The following DMTN variants were observed in gnomAD, a reference collection of about 807,000 sequenced individuals.
The protein encoded by DMTN is dematin actin binding protein.
A neutral mutation model predicts 59.4 loss-of-function variants in DMTN; 27 were observed. The ratio of observed to expected loss-of-function variants is 0.45; its 90% CI spans 0.33 to 0.63. The LOEUF (loss-of-function observed/expected upper bound fraction) is 0.63, where lower values mean the gene tolerates loss of function less well. Among genes scored for constraint, DMTN ranks in the 20% least tolerant of loss-of-function variants. The pLI, the probability that DMTN is intolerant of heterozygous loss-of-function variation, is 0.02. For synonymous variants in DMTN, 221 were observed against 203.7 expected (o/e 1.08, Z -0.72); for missense variants, 451 against 528.9 (o/e 0.85, Z 1.45).
intron 10 of DMTN, among the ~76,000 whole-genome samples, chr8:22,079,075 G>A (rs1821976428): frequency 6.6e-6 from 1 of 150,934 alleles, no homozygotes; most frequent in Non-Finnish European, 1.5e-5. Context: ...TGGGATCACA[G>A]GTGTGAGCCA....
chr8:22,050,295 T>TG (rs1378706608), upstream of DMTN, among the ~76,000 whole-genome samples: 1 of 140,098 alleles, frequency 7.1e-6, no homozygotes, highest in East Asian at 2.4e-4. Context: ...GACTGGACTT[T>TG]GGGGGGTGGC....
At chr8:22,069,563 C>A in intron 6 of DMTN, 45 bp downstream of exon 6, 1 of 1,486,392 alleles carries the variant, frequency 6.7e-7, no homozygotes, top group Non-Finnish European at 9.2e-7. Context: ...AGACTTTCTC[C>A]ATCAGGAACC....
upstream of DMTN, among the ~76,000 whole-genome samples, chr8:22,051,151 T>C (rs981858481): frequency 2.6e-5 from 4 of 152,110 alleles, no homozygotes; most frequent in African/African-American, 9.7e-5. Flanking sequence ...CCCCTTGCCG[T>C]TGGGGAAACA....
At chr8:22,059,459 A>G (rs1804717878) in intron 1 of DMTN, 1 of 152,212 alleles carries the variant, frequency 6.6e-6, no homozygotes, top group Admixed American at 6.5e-5. Context: ...TACAGATGCC[A>G]TCAACGAGCA....
chr8:22,080,635 T>A lies in DMTN; in HGVS notation c.957+10T>A. On this transcript the variant is annotated intron_variant, in intron 13 of 15. Transcript: ENST00000358242. ...TCCCGCAGGCCTGCAGGTGAGTGCCTCCTGGAGGGGAACAGGCAGAGCAGC... is the reference window on the plus strand; with the variant it reads ...TCCCGCAGGCCTGCAGGTGAGTGCCACCTGGAGGGGAACAGGCAGAGCAGC... The A allele has an allele frequency of 1.2e-6, 2 of 1,603,606 alleles. No individual in the cohort carries two copies. The highest frequency in any genetic ancestry group is 2.2e-5 in the South Asian group (2 of 89,794).
chr8:22,070,669 C>A (rs529470273), intron 8 of DMTN, among the ~76,000 whole-genome samples: 1 of 152,136 alleles, frequency 6.6e-6, no homozygotes, highest in Non-Finnish European at 1.5e-5. Flanking sequence ...TGGTCCCCAG[C>A]GAATTTTATT....
intron 14 of DMTN, 33 bp downstream of exon 14, chr8:22,080,903 G>C (rs780891631): frequency 8.3e-5 from 128 of 1,539,720 alleles, no homozygotes; most frequent in Non-Finnish European, 1.0e-4. Flanking sequence ...GCCTGTAGCG[G>C]GGCGGGAGGC....
intron 1 of DMTN, among the ~76,000 whole-genome samples, chr8:22,062,596 A>G (rs1807399778): frequency 6.6e-6 from 1 of 151,910 alleles, no homozygotes; most frequent in Non-Finnish European, 1.5e-5. Flanking sequence ...ATCTCCTCCA[A>G]AACGACCCTG....
At chr8:22,063,847 C>T (rs1216987482) in intron 1 of DMTN, among the ~76,000 whole-genome samples, 1 of 152,176 alleles carries the variant, frequency 6.6e-6, no homozygotes, top group African/African-American at 2.4e-5. Flanking sequence ...TAATTTTCTG[C>T]TTTGCATGGG....
rs566514743 is a variant in DMTN at position 22,057,998 on chromosome 8, A to C, written c.-172+862A>C. The C allele has an allele frequency of 6.6e-5, 10 of 152,430 alleles. No homozygotes were observed. The East Asian group carries it at 1.9e-3, about 29-fold the overall frequency. The allele number at this position is 152,430 out of a possible 1,614,324, so 9.4% of individuals were successfully genotyped here. A position where few individuals can be genotyped will look rare whatever the true frequency, so the allele number is the denominator to read the frequency against. On this transcript the variant is annotated intron_variant, in intron 1 of 15. Transcript: ENST00000358242. Reference sequence around the variant, plus strand: ...GAGGGCTCTGTGTATGTTGCTGTACACGTGCACTACTCTGGGATGGATGCC... The same window carrying C: ...GAGGGCTCTGTGTATGTTGCTGTACCCGTGCACTACTCTGGGATGGATGCC...
intron 4 of DMTN, 143 bp from the exon 5 acceptor site, chr8:22,068,873 G>T: frequency 3.1e-6 from 3 of 953,280 alleles, no homozygotes; most frequent in Non-Finnish European, 5.0e-6. Context: ...ACTGTGGGAA[G>T]GATCCAAGAA....
upstream of DMTN, among the ~76,000 whole-genome samples, chr8:22,052,800 C>G (rs1401790797): frequency 1.3e-5 from 2 of 152,148 alleles, no homozygotes; most frequent in Non-Finnish European, 2.9e-5. Flanking sequence ...TACTTGCTTG[C>G]AATCCTTCTT....
At position 22,081,104 on chromosome 8, in the gene DMTN, C is replaced by A; in HGVS notation, c.1024-9C>A. 6 of 984,446 alleles carry A rather than the reference C, an allele frequency of 6.1e-6. No individual in the cohort carries two copies. Among genetic ancestry groups the A allele is most frequent in the Non-Finnish European group, 9.3e-6 (6 of 646,232 alleles). 61.0% of individuals were successfully genotyped at this position (984,446 alleles called of 1,614,324 possible). A position where few individuals can be genotyped will look rare whatever the true frequency, so the allele number is the denominator to read the frequency against. On this transcript the variant is annotated splice_polypyrimidine_tract_variant and intron_variant, in intron 14 of 15. Coordinates refer to ENST00000358242, the MANE Select transcript of DMTN (RefSeq NM_001387751.1). ...GTGAGCCTAAGATTGCCCCTCCCCC[C>A]ACCCCCAGATCTATCCCTATGAAAT...
intron 1 of DMTN, among the ~76,000 whole-genome samples, chr8:22,063,655 G>T (rs1486596776): frequency 1.3e-5 from 2 of 152,096 alleles, no homozygotes; most frequent in Admixed American, 6.5e-5. Flanking sequence ...CCCACCTTAT[G>T]CTGCTTTCTC....
upstream of DMTN, among the ~76,000 whole-genome samples, chr8:22,054,347 T>C (rs1801756771): frequency 1.3e-5 from 2 of 149,476 alleles, no homozygotes; most frequent in African/African-American, 4.9e-5. Flanking sequence ...AATGGGGCCT[T>C]GAGGAATTGG....
At position 22,081,396 on chromosome 8, in the gene DMTN, C is replaced by T. The variant is rs773397562; in HGVS notation, c.1151C>T (p.Pro384Leu). ...TTCTCAAGGGTATTTGCCATGTCCC[C>T]TGAAGAGTTTGGCAAGCTGGCTCTG... Reference protein sequence around the residue: ...EDFSRVFAMSPEEFGKLALWK... With the variant: ...EDFSRVFAMSLEEFGKLALWK... The change falls in exon 16 of 16, where the codon CCT (proline) becomes CTT (leucine). Residue 384 changes from proline to leucine, a missense_variant. By Grantham distance (98) the Pro-to-Leu change is moderately conservative (BLOSUM62 -3). Transcript: ENST00000358242. 5 of 1,614,014 alleles carry T rather than the reference C, an allele frequency of 3.1e-6. No individual in the cohort carries two copies. The highest frequency in any genetic ancestry group is 4.2e-6 in the Non-Finnish European group (5 of 1,180,006).
intron 1 of DMTN, among the ~76,000 whole-genome samples, chr8:22,064,136 G>T (rs1234355465): frequency 6.6e-6 from 1 of 152,038 alleles, no homozygotes; most frequent in Non-Finnish European, 1.5e-5. Context: ...ATGCAGGAAT[G>T]GATGGATGGA....
rs759394214 is a variant in DMTN, at chr8:22,067,125, A to T, written c.59A>T (p.Asp20Val). 18 of 1,604,824 alleles carry T rather than the reference A, an allele frequency of 1.1e-5. No homozygotes were observed. Among genetic ancestry groups the T allele is most frequent in the Non-Finnish European group, 1.4e-5 (17 of 1,176,132 alleles). ...TSPGSVSPSRDSSVPGSPSSI... is the reference protein window; with the variant it reads ...TSPGSVSPSRVSSVPGSPSSI... ...CCCGGGAGCGTGAGCCCCTCCCGAG[A>T]TTCCAGTGTGCCTGGCTCTCCCTCC... is the stretch of plus-strand genomic sequence containing the variant. The change falls in exon 3 of 16, where the codon GAT becomes GTT. Residue 20 changes from aspartate (D) to valine (V), a missense_variant. Asp to Val is a radical substitution (Grantham distance 152, BLOSUM62 -3). Transcript: ENST00000358242.
Position 22,066,779 on chromosome 8 carries a change from C to A in DMTN, c.-97C>A. 7.6e-7 allele frequency: 1 copy of A among 1,315,882 alleles called. No individual in the cohort carries two copies. Among genetic ancestry groups the A allele is most frequent in the Non-Finnish European group, 9.9e-7 (1 of 1,011,816 alleles). 81.5% of individuals were successfully genotyped at this position (1,315,882 alleles called of 1,614,324 possible). On this transcript the variant is annotated 5_prime_UTR_variant, in exon 2 of 16. Transcript: ENST00000358242. ...CGCCAGCTGCTTTCGCGGCCCCAAGCGCGCAGCGCCCAGCAGCCGCGCCGA... is the reference window on the plus strand; with the variant it reads ...CGCCAGCTGCTTTCGCGGCCCCAAGAGCGCAGCGCCCAGCAGCCGCGCCGA...
Sources: gnomAD v4.1 joint callset for allele counts (sites outside exome capture counted in the v4.1 genomes callset) on GRCh38, gnomAD v4.1.1 for gene constraint, MANE v1.5 for transcripts, NCBI Gene and HGNC (gene_info 2026-07-23, HGNC 2026-07-21) for gene names.